Variants in HS6ST3 observed in about 807,000 individuals in gnomAD.
The protein encoded by HS6ST3 is heparan-sulfate 6-O-sulfotransferase 3.
In HS6ST3, 12 loss-of-function variants were observed where a neutral mutation model predicts 36.7. The ratio of observed to expected loss-of-function variants is 0.33; its 90% CI spans 0.21 to 0.53. HS6ST3 has a LOEUF of 0.53. Among genes scored for constraint, HS6ST3 ranks in the 20% least tolerant of loss-of-function variants. The pLI, the probability that HS6ST3 is intolerant of heterozygous loss-of-function variation, is 0.95. For synonymous variants in HS6ST3, 240 were observed against 257.5 expected (o/e 0.93, Z 0.65); for missense variants, 584 against 640.9 (o/e 0.91, Z 0.96).
intron 1 of HS6ST3, among the ~76,000 whole-genome samples, chr13:96,224,273 G>A (rs2054470008): frequency 6.6e-6 from 1 of 152,130 alleles, no homozygotes; most frequent in South Asian, 2.1e-4. Context: ...ATAGAGAAGA[G>A]TAAAGTCTCA....
chr13:96,337,839 T>C (rs561616940), intron 1 of HS6ST3, among the ~76,000 whole-genome samples: 18 of 152,246 alleles, frequency 1.2e-4, no homozygotes, highest in Middle Eastern at 3.4e-3. Flanking sequence ...TTCTTATAAT[T>C]TATCCCCTAG....
At chr13:96,333,943 C>T (rs1166809985) in intron 1 of HS6ST3, among the ~76,000 whole-genome samples, 1 of 152,088 alleles carries the variant, frequency 6.6e-6, no homozygotes, top group Non-Finnish European at 1.5e-5. Flanking sequence ...TGATGGTTCT[C>T]TGTGGGTTGG....
intron 1 of HS6ST3, among the ~76,000 whole-genome samples, chr13:96,186,585 G>A (rs1280223535): frequency 6.6e-6 from 1 of 152,166 alleles, no homozygotes; most frequent in Non-Finnish European, 1.5e-5. Context: ...AACACCCCAG[G>A]ACTTAAAGCC....
At chr13:96,381,735 C>G (rs551593327) in intron 1 of HS6ST3, among the ~76,000 whole-genome samples, 8 of 152,196 alleles carry the variant, frequency 5.3e-5, no homozygotes, top group South Asian at 4.1e-4. Context: ...ATCGCCTGCT[C>G]TGTCATGTAC....
At chr13:96,625,036 C>T (rs2056507407) in intron 1 of HS6ST3, among the ~76,000 whole-genome samples, 1 of 152,220 alleles carries the variant, frequency 6.6e-6, no homozygotes, top group South Asian at 2.1e-4. Context: ...AGCTGAGGGA[C>T]TGCTTCTTGT....
At chr13:96,230,211 A>G (rs1425338913) in intron 1 of HS6ST3, among the ~76,000 whole-genome samples, 2 of 152,158 alleles carry the variant, frequency 1.3e-5, no homozygotes, top group Non-Finnish European at 2.9e-5. Flanking sequence ...TTTAGAGTGT[A>G]ATGTTGAAGA....
rs143027085 is a variant in HS6ST3, at chr13:96,178,319, A to G, written c.707+86750A>G. ...CAAGAATGGATTTCTTTGGCGATTC[A>G]GTGGGCCTTCTTCTCTGTGATGAGG... On this transcript the variant is annotated intron_variant, in intron 1 of 1. Coordinates refer to ENST00000376705, the MANE Select transcript of HS6ST3 (RefSeq NM_153456.4). 4.9e-3 allele frequency among the ~76,000 whole-genome samples: 749 copies of G among 152,302 alleles called. 4 individuals are homozygous for G. The highest frequency in any genetic ancestry group is 0.017 in the South Asian group (83 of 4,826).
At chr13:96,643,863 G>T (rs967132959) in intron 1 of HS6ST3, among the ~76,000 whole-genome samples, 8 of 151,856 alleles carry the variant, frequency 5.3e-5, no homozygotes, top group Non-Finnish European at 1.5e-5. Flanking sequence ...GGAGGTGGAT[G>T]GGCATAGGGC....
intron 1 of HS6ST3, among the ~76,000 whole-genome samples, chr13:96,438,882 A>G (rs1403241263): frequency 6.6e-6 from 1 of 152,128 alleles, no homozygotes; most frequent in African/African-American, 2.4e-5. Context: ...CCTAGCCAAC[A>G]TGGGGAAAAC....
intron 1 of HS6ST3, among the ~76,000 whole-genome samples, chr13:96,459,561 A>G (rs2055772660): frequency 6.6e-6 from 1 of 152,212 alleles, no homozygotes; most frequent in South Asian, 2.1e-4. Context: ...AGTTTTGGAA[A>G]GAAGATGGAC....
intron 1 of HS6ST3, among the ~76,000 whole-genome samples, chr13:96,411,593 C>A (rs776494586): frequency 6.6e-6 from 1 of 152,010 alleles, no homozygotes; most frequent in African/African-American, 2.4e-5. Flanking sequence ...ACATGGAAAC[C>A]AAAATAGGCT....
intron 1 of HS6ST3, among the ~76,000 whole-genome samples, chr13:96,806,524 C>A (rs1878200717): frequency 6.6e-6 from 1 of 152,188 alleles, no homozygotes; most frequent in Admixed American, 6.5e-5. Context: ...AAGAAAATGT[C>A]ATTTAAGTAC....
intron 1 of HS6ST3, among the ~76,000 whole-genome samples, chr13:96,387,322 G>A (rs954059432): frequency 1.2e-4 from 19 of 152,106 alleles, no homozygotes; most frequent in African/African-American, 3.6e-4. Context: ...GAATGACTCT[G>A]ATTTTTAAGT....
At chr13:96,412,037 G>A (rs868506478) in intron 1 of HS6ST3, among the ~76,000 whole-genome samples, 5 of 151,486 alleles carry the variant, frequency 3.3e-5, no homozygotes, top group African/African-American at 7.3e-5. Flanking sequence ...ACGGATTCTC[G>A]CTCTGTAGCC....
intron 1 of HS6ST3, among the ~76,000 whole-genome samples, chr13:96,488,521 A>G (rs1467533622): frequency 1.3e-5 from 2 of 152,070 alleles, no homozygotes; most frequent in African/African-American, 4.8e-5. Flanking sequence ...GGCTTATGTC[A>G]TAACTTCTGA....
chr13:96,327,017 G>A (rs1409292481), intron 1 of HS6ST3, among the ~76,000 whole-genome samples: 2 of 143,544 alleles, frequency 1.4e-5, no homozygotes, highest in South Asian at 2.3e-4. Context: ...CTCACTTTTT[G>A]ATGGGGTTGT....
intron 1 of HS6ST3, among the ~76,000 whole-genome samples, chr13:96,831,980 A>AAAAAAAAAC (rs1339637754): frequency 2.3e-4 from 32 of 141,996 alleles, no homozygotes; most frequent in African/African-American, 7.8e-4. Flanking sequence ...AAAAAAAAAA[A>AAAAAAAAAC]CAGAGATTAA....
chr13:96,472,625 C>T (rs1472904523), intron 1 of HS6ST3, among the ~76,000 whole-genome samples: 1 of 152,126 alleles, frequency 6.6e-6, no homozygotes, highest in Non-Finnish European at 1.5e-5. Flanking sequence ...GCCATCTGTT[C>T]CTTCAAGTAG....
At chr13:96,634,586 A>G (rs1281767047) in intron 1 of HS6ST3, among the ~76,000 whole-genome samples, 1 of 152,140 alleles carries the variant, frequency 6.6e-6, no homozygotes, top group Non-Finnish European at 1.5e-5. Flanking sequence ...CTTGCTTATT[A>G]CCAAAAAGAT....
Sources: allele counts gnomAD v4.1 joint callset (sites outside exome capture counted in the v4.1 genomes callset), GRCh38; gene constraint gnomAD v4.1.1; transcripts MANE v1.5; gene names NCBI Gene and HGNC (gene_info 2026-07-23, HGNC 2026-07-21).